ARHGAP26: variants seen among roughly 807,000 people sequenced by gnomAD.
The protein encoded by ARHGAP26 is Rho GTPase activating protein 26, also known as rho GTPase-activating protein 26.
ARHGAP26 carries 38 observed loss-of-function variants against 104.8 expected under a neutral mutation model. That is an observed-to-expected ratio of 0.36 (90% CI 0.28 to 0.48). The LOEUF (loss-of-function observed/expected upper bound fraction) is 0.48. Among genes scored for constraint, ARHGAP26 ranks in the 20% least tolerant of loss-of-function variants. The pLI, the probability that ARHGAP26 is intolerant of heterozygous loss-of-function variation, is 0.99. For synonymous variants in ARHGAP26, 341 were observed against 340.0 expected (o/e 1.00, Z -0.03); for missense variants, 704 against 947.9 (o/e 0.74, Z 3.38).
At chr5:142,885,496 A>G in intron 5 of ARHGAP26, 97 bp downstream of exon 5, 1 of 1,085,032 alleles carries the variant, frequency 9.2e-7, no homozygotes, top group Non-Finnish European at 1.3e-6. Context: ...TCTTAGGGTT[A>G]GAAGGGACCT....
chr5:142,993,233 A>G (rs1416550596), intron 11 of ARHGAP26, among the ~76,000 whole-genome samples: 11 of 142,966 alleles, frequency 7.7e-5, no homozygotes, highest in Non-Finnish European at 1.5e-4. Flanking sequence ...GCAGTGGCGC[A>G]ATCTCGGCTC....
chr5:143,116,659 C>A (rs780371968), intron 17 of ARHGAP26, among the ~76,000 whole-genome samples: 16 of 152,184 alleles, frequency 1.1e-4, no homozygotes, highest in Non-Finnish European at 1.9e-4. Flanking sequence ...CTGCCACCAT[C>A]CCCACCACCA....
rs143591652 is a variant in ARHGAP26, at chr5:143,225,117, A to G, written c.*2671A>G. 1.5e-3 allele frequency: 343 copies of G among 221,630 alleles called. 1 individual carries two copies. Among genetic ancestry groups the G allele is most frequent in the African/African-American group, 7.2e-3 (322 of 44,758 alleles). The allele number at this position is 221,630 out of a possible 1,614,324, so 13.7% of individuals were successfully genotyped here. Reference sequence around the variant, plus strand: ...TGGAGGCCTCAGGGGATGTGCATTCACATACTATTACGCTTCTCAAAGAGA... The same window carrying G: ...TGGAGGCCTCAGGGGATGTGCATTCGCATACTATTACGCTTCTCAAAGAGA... On this transcript the variant is annotated 3_prime_UTR_variant, in exon 23 of 23. Transcript: ENST00000645722.
At chr5:143,018,050 A>G (rs2152828785) in intron 12 of ARHGAP26, among the ~76,000 whole-genome samples, 1 of 152,326 alleles carries the variant, frequency 6.6e-6, no homozygotes, top group East Asian at 1.9e-4. Flanking sequence ...TAGGTGTAAA[A>G]TGATAGTTCA....
chr5:143,036,333 C>T (rs13162227), intron 12 of ARHGAP26, among the ~76,000 whole-genome samples: 22,661 of 152,058 alleles, frequency 0.15, 4,573 homozygotes, highest in African/African-American at 0.46. Flanking sequence ...AATTTCCAGC[C>T]TTGTTGTCAG....
At chr5:142,983,212 C>T (rs1211267824) in intron 11 of ARHGAP26, among the ~76,000 whole-genome samples, 1 of 150,088 alleles carries the variant, frequency 6.7e-6, no homozygotes, top group Admixed American at 6.6e-5. Context: ...TATGCTGGTT[C>T]GTTGTTTTTT....
At chr5:143,221,923 TGGAAGGAAGGAAGGAA>T (rs35244313) in intron 22 of ARHGAP26, among the ~76,000 whole-genome samples, 8 of 150,200 alleles carry the variant, frequency 5.3e-5, no homozygotes, top group Non-Finnish European at 1.2e-4. Flanking sequence ...GGTGGATGGA[TGGAAGGAAGGAAGGAA>T]GGAAGGAAGG....
intron 10 of ARHGAP26, among the ~76,000 whole-genome samples, chr5:142,925,512 G>C (rs1032885758): frequency 2.6e-5 from 4 of 152,140 alleles, no homozygotes; most frequent in African/African-American, 9.7e-5. Flanking sequence ...TGTGGCTTTG[G>C]CCATATCTTT....
intron 1 of ARHGAP26, among the ~76,000 whole-genome samples, chr5:142,830,816 C>T (rs570233503): frequency 2.6e-5 from 4 of 152,306 alleles, no homozygotes; most frequent in East Asian, 1.9e-4. Flanking sequence ...AGCCAGACTG[C>T]GCCGTATCCC....
intron 20 of ARHGAP26, 131 bp downstream of exon 20, chr5:143,147,512 G>T: frequency 9.2e-7 from 1 of 1,091,492 alleles, no homozygotes; most frequent in Non-Finnish European, 1.3e-6. Context: ...TCCCTAAACT[G>T]GGAGCTCAGC....
intron 11 of ARHGAP26, among the ~76,000 whole-genome samples, chr5:142,989,226 A>G (rs1315664834): frequency 6.6e-6 from 1 of 152,108 alleles, no homozygotes; most frequent in East Asian, 1.9e-4. Context: ...TGTTGAATTG[A>G]TCCCTTTACC....
intron 5 of ARHGAP26, among the ~76,000 whole-genome samples, chr5:142,893,060 C>A (rs1189731201): frequency 7.1e-6 from 1 of 140,618 alleles, no homozygotes; most frequent in African/African-American, 2.6e-5. Flanking sequence ...TCTTGGCTCA[C>A]TGCAACCTCC....
chr5:143,089,944 A>C (rs1408616660), intron 17 of ARHGAP26, among the ~76,000 whole-genome samples: 1 of 152,138 alleles, frequency 6.6e-6, no homozygotes, highest in African/African-American at 2.4e-5. Context: ...CATAAGTGCC[A>C]CTCCAGTTAT....
rs1376483531 is a variant in ARHGAP26 at position 142,949,194 on chromosome 5, A to AG, written c.1107+17070dup. Among the ~76,000 whole-genome samples, 86 of 27,378 alleles carry AG rather than the reference A, an allele frequency of 3.1e-3. 10 individuals are homozygous for AG. Among genetic ancestry groups the AG allele is most frequent in the African/African-American group, 0.021 (63 of 3,070 alleles). The allele number at this position is 27,378 out of a possible 152,430, so 18.0% of individuals were successfully genotyped here. A position where few individuals can be genotyped will look rare whatever the true frequency, so the allele number is the denominator to read the frequency against. On this transcript the variant is annotated intron_variant, in intron 11 of 22. Transcript: ENST00000645722. ...GAGAGAGAGAGAGAGAGAGAGAGAG[A>AG]GAGAGAGAGAGAGAGAGAGAGAGAG...
At chr5:142,994,519 G>C (rs1776106766) in intron 11 of ARHGAP26, among the ~76,000 whole-genome samples, 1 of 152,132 alleles carries the variant, frequency 6.6e-6, no homozygotes, top group South Asian at 2.1e-4. Flanking sequence ...TGCAGTTTTT[G>C]GGAAGGCAGA....
At chr5:142,800,544 G>A (rs746377357) in intron 1 of ARHGAP26, among the ~76,000 whole-genome samples, 1 of 151,962 alleles carries the variant, frequency 6.6e-6, no homozygotes, top group South Asian at 2.1e-4. Flanking sequence ...TGTATTTTTA[G>A]CAGAGTCGGG....
At chr5:143,156,093 A>G (rs1456680132) in intron 20 of ARHGAP26, among the ~76,000 whole-genome samples, 3 of 152,224 alleles carry the variant, frequency 2.0e-5, no homozygotes, top group African/African-American at 4.8e-5. Flanking sequence ...AAGGAAATCT[A>G]AAGTGTTATT....
At chr5:142,807,353 C>G (rs1763176355) in intron 1 of ARHGAP26, among the ~76,000 whole-genome samples, 1 of 152,182 alleles carries the variant, frequency 6.6e-6, no homozygotes, top group African/African-American at 2.4e-5. Context: ...AGGGGCCAAG[C>G]CAGGGTTCAA....
intron 12 of ARHGAP26, among the ~76,000 whole-genome samples, chr5:143,036,339 G>T (rs1245440976): frequency 6.6e-6 from 1 of 152,136 alleles, no homozygotes; most frequent in African/African-American, 2.4e-5. Flanking sequence ...CAGCCTTGTT[G>T]TCAGGTTAGA....
Sources: gnomAD v4.1 joint callset for allele counts (sites outside exome capture counted in the v4.1 genomes callset) on GRCh38, gnomAD v4.1.1 for gene constraint, MANE v1.5 for transcripts, NCBI Gene and HGNC (gene_info 2026-07-23, HGNC 2026-07-21) for gene names.